The following EPHB1 variants were observed in gnomAD, a reference collection of about 807,000 sequenced individuals.
EPHB1 encodes the protein ephrin type-B receptor 1.
In EPHB1, 30 loss-of-function variants were observed where a neutral mutation model predicts 94.4. That is an observed-to-expected ratio of 0.32 (90% CI 0.24 to 0.43). EPHB1 has a LOEUF of 0.43. EPHB1 is among the 20% of genes least tolerant of loss of function. The probability of loss-of-function intolerance (pLI) is 1.00; values close to 1 mark genes in which losing one functional copy is unlikely to be tolerated. For missense variants in EPHB1, 1,055 were observed against 1,308.3 expected (o/e 0.81, Z 2.99); for synonymous variants, 522 against 489.1 (o/e 1.07, Z -0.89).
At chr3:134,796,067 A>T (rs1418568399) in intron 1 of EPHB1, 1 of 299,576 alleles carries the variant, frequency 3.3e-6, no homozygotes, top group African/African-American at 2.3e-5. Context: ...GCCTCTGGCC[A>T]TCCGGCTCCT....
intron 1 of EPHB1, among the ~76,000 whole-genome samples, chr3:134,918,303 A>C (rs1242436526): frequency 6.6e-6 from 1 of 152,170 alleles, no homozygotes; most frequent in Non-Finnish European, 1.5e-5. Context: ...TGCTGGAAGA[A>C]GGGCTTCATT....
At chr3:135,059,188 T>G (rs1158417899) in intron 3 of EPHB1, among the ~76,000 whole-genome samples, 1 of 152,244 alleles carries the variant, frequency 6.6e-6, no homozygotes, top group Non-Finnish European at 1.5e-5. Context: ...TATGTTCCCC[T>G]TCTCAACAAG....
At chr3:135,162,790 C>T (rs1449109541) in intron 7 of EPHB1, among the ~76,000 whole-genome samples, 1 of 152,174 alleles carries the variant, frequency 6.6e-6, no homozygotes, top group Non-Finnish European at 1.5e-5. Context: ...TTATCACTAT[C>T]TGCCCCACTC....
chr3:135,056,884 C>T (rs1576351143), intron 3 of EPHB1, among the ~76,000 whole-genome samples: 1 of 152,134 alleles, frequency 6.6e-6, no homozygotes, highest in Non-Finnish European at 1.5e-5. Context: ...GGCTGCCATG[C>T]TGGGAGAAGA....
intron 1 of EPHB1, among the ~76,000 whole-genome samples, chr3:134,900,491 G>A (rs1055708754): frequency 6.6e-6 from 1 of 152,142 alleles, no homozygotes; most frequent in South Asian, 2.1e-4. Flanking sequence ...TCTTGGTCCT[G>A]AGAAATCAGG....
At chr3:135,251,166 A>C (rs67171651) in intron 15 of EPHB1, among the ~76,000 whole-genome samples, 17,761 of 152,060 alleles carry the variant, frequency 0.12, 1,154 homozygotes, top group Middle Eastern at 0.21. Context: ...AAACTAGATT[A>C]ATTTCCTGGT....
At chr3:135,046,166 G>T (rs1407144218) in intron 3 of EPHB1, among the ~76,000 whole-genome samples, 3 of 152,280 alleles carry the variant, frequency 2.0e-5, no homozygotes, top group East Asian at 1.9e-4. Flanking sequence ...TGTTCTCTGT[G>T]TTAATATGTA....
At chr3:134,954,664 A>G (rs1365281774) in intron 3 of EPHB1, among the ~76,000 whole-genome samples, 5 of 152,202 alleles carry the variant, frequency 3.3e-5, no homozygotes, top group African/African-American at 1.2e-4. Flanking sequence ...TCTTTTCTGC[A>G]TATGTGAAAC....
chr3:135,007,080 C>T (rs1233066850), intron 3 of EPHB1, among the ~76,000 whole-genome samples: 1 of 152,190 alleles, frequency 6.6e-6, no homozygotes, highest in African/African-American at 2.4e-5. Context: ...GGAAGGCTGG[C>T]TGCCTGGGAT....
At chr3:134,944,663 C>T (rs1471591905) in intron 2 of EPHB1, among the ~76,000 whole-genome samples, 1 of 152,124 alleles carries the variant, frequency 6.6e-6, no homozygotes, top group Non-Finnish European at 1.5e-5. Context: ...CTGTATTGTC[C>T]AAAGGCCAGT....
chr3:135,051,758 T>C (rs988918349), intron 3 of EPHB1, among the ~76,000 whole-genome samples: 5 of 152,228 alleles, frequency 3.3e-5, no homozygotes, highest in Non-Finnish European at 7.3e-5. Context: ...TCACGTTCCA[T>C]GCCTCCTGTC....
At chr3:135,109,783 G>A (rs552194997) in intron 4 of EPHB1, among the ~76,000 whole-genome samples, 7 of 152,324 alleles carry the variant, frequency 4.6e-5, no homozygotes, top group South Asian at 4.1e-4. Flanking sequence ...TGCCGAGCTC[G>A]CTGTCCCTGG....
chr3:135,197,125 AAAT>A (rs1942642201), intron 11 of EPHB1, among the ~76,000 whole-genome samples: 1 of 152,032 alleles, frequency 6.6e-6, no homozygotes. Context: ...AAGACAAAAA[AAAT>A]AATAATAAGC....
chr3:135,249,279 G>C, intron 14 of EPHB1, 57 bp from the exon 15 acceptor site: 1 of 1,547,902 alleles, frequency 6.5e-7, no homozygotes, highest in South Asian at 1.2e-5. Context: ...GCCAGACTGG[G>C]GCACTGTCCA....
intron 2 of EPHB1, 58 bp downstream of exon 2, chr3:134,925,938 A>T (rs2038783328): frequency 6.7e-7 from 1 of 1,482,528 alleles, no homozygotes; most frequent in Admixed American, 2.0e-5. Context: ...TCCATATGAT[A>T]TCTAGGGGAG....
chr3:135,175,164 T>C (rs1406949106), intron 9 of EPHB1, among the ~76,000 whole-genome samples: 2 of 152,222 alleles, frequency 1.3e-5, no homozygotes, highest in Non-Finnish European at 2.9e-5. Context: ...CCTGAGACCC[T>C]GGCTCTTATA....
intron 1 of EPHB1, among the ~76,000 whole-genome samples, chr3:134,919,481 G>T (rs780518168): frequency 1.6e-4 from 25 of 152,224 alleles, no homozygotes; most frequent in Non-Finnish European, 3.5e-4. Context: ...ATTCAGACGG[G>T]TAGGGATGAG....
chr3:134,924,686 G>A (rs2038755034), intron 1 of EPHB1, among the ~76,000 whole-genome samples: 1 of 152,092 alleles, frequency 6.6e-6, no homozygotes, highest in African/African-American at 2.4e-5. Flanking sequence ...AACAAATGGT[G>A]GCACATCACA....
chr3:135,128,830 T>C (rs147908957), intron 4 of EPHB1, among the ~76,000 whole-genome samples: 3 of 152,222 alleles, frequency 2.0e-5, no homozygotes, highest in Non-Finnish European at 4.4e-5. Context: ...TAATGAATGG[T>C]CATTTTTTTG....
Sources: allele counts gnomAD v4.1 joint callset (sites outside exome capture counted in the v4.1 genomes callset), GRCh38; gene constraint gnomAD v4.1.1; transcripts MANE v1.5; gene names NCBI Gene and HGNC (gene_info 2026-07-23, HGNC 2026-07-21).